Variants in RASGEF1A observed in about 807,000 individuals in gnomAD.
The protein encoded by RASGEF1A is ras-GEF domain-containing family member 1A.
RASGEF1A carries 18 observed loss-of-function variants against 56.4 expected under a neutral mutation model. The observed-to-expected ratio is 0.32, with a 90% CI of 0.22 to 0.47. RASGEF1A has a LOEUF of 0.47. Ranked by LOEUF, RASGEF1A falls within the 20% of genes least tolerant of loss-of-function variation. The pLI is 1.00. For synonymous variants in RASGEF1A, 245 were observed against 242.6 expected (o/e 1.01, Z -0.09); for missense variants, 422 against 627.1 (o/e 0.67, Z 3.49).
intron 1 of RASGEF1A, among the ~76,000 whole-genome samples, chr10:43,212,790 AG>A (rs1379220529): frequency 6.6e-6 from 1 of 152,212 alleles, no homozygotes; most frequent in Non-Finnish European, 1.5e-5. Context: ...AATACACCTC[AG>A]GGGAGAGGCA....
Position 43,211,873 on chromosome 10 carries a change from G to A in RASGEF1A, c.-6-5751C>T, listed in dbSNP as rs1343267661. On this transcript the variant is annotated intron_variant, in intron 1 of 12. Coordinates refer to ENST00000395810, the MANE Select transcript of RASGEF1A (RefSeq NM_145313.4). ...GCTTCCTCGGCTGGACACTGGGTGTGGAATGTCTTGTCCCACCTCCCTGCA... is the reference window on the plus strand; with the variant it reads ...GCTTCCTCGGCTGGACACTGGGTGTAGAATGTCTTGTCCCACCTCCCTGCA... Among the ~76,000 whole-genome samples, 3 of 152,338 alleles carry A rather than the reference G, an allele frequency of 2.0e-5. No individual in the cohort carries two copies. In the East Asian group the frequency reaches 5.8e-4, roughly 29 times the overall value.
At chr10:43,201,573 C>T (rs1332240259) in intron 4 of RASGEF1A, among the ~76,000 whole-genome samples, 3 of 152,214 alleles carry the variant, frequency 2.0e-5, no homozygotes, top group African/African-American at 2.4e-5. Context: ...TTGCCAGGCC[C>T]GCAACCGGGC....
intron 1 of RASGEF1A, among the ~76,000 whole-genome samples, chr10:43,257,581 C>G (rs553795820): frequency 6.6e-6 from 1 of 152,188 alleles, no homozygotes; most frequent in Non-Finnish European, 1.5e-5. Context: ...TCTCAGACCC[C>G]GTAGTGCCCT....
intron 1 of RASGEF1A, among the ~76,000 whole-genome samples, chr10:43,257,428 G>T (rs1207930326): frequency 6.6e-6 from 1 of 152,234 alleles, no homozygotes; most frequent in Non-Finnish European, 1.5e-5. Context: ...GGAAGGAGGA[G>T]CACAGGTCCC....
chr10:43,254,807 T>A (rs1242537966), intron 1 of RASGEF1A, among the ~76,000 whole-genome samples: 1 of 152,080 alleles, frequency 6.6e-6, no homozygotes, highest in Admixed American at 6.5e-5. Context: ...GTCCCCAGAA[T>A]AATCCCTGAC....
intron 1 of RASGEF1A, among the ~76,000 whole-genome samples, chr10:43,263,900 C>A (rs533296674): frequency 6.6e-6 from 1 of 152,146 alleles, no homozygotes; most frequent in Non-Finnish European, 1.5e-5. Context: ...AGCAGTCACA[C>A]CCCCACCCCG....
intron 4 of RASGEF1A, among the ~76,000 whole-genome samples, chr10:43,201,181 G>A (rs538453916): frequency 2.5e-4 from 38 of 152,276 alleles, no homozygotes; most frequent in African/African-American, 7.9e-4. Flanking sequence ...TTTCAGAGGC[G>A]GCCCACTGAG....
At chr10:43,238,530 C>A (rs1181493870) in intron 1 of RASGEF1A, among the ~76,000 whole-genome samples, 2 of 152,232 alleles carry the variant, frequency 1.3e-5, no homozygotes, top group African/African-American at 4.8e-5. Flanking sequence ...TGCCCCAGCC[C>A]CATGTCCACA....
At chr10:43,232,173 G>A (rs906745700) in intron 1 of RASGEF1A, among the ~76,000 whole-genome samples, 1 of 152,240 alleles carries the variant, frequency 6.6e-6, no homozygotes, top group Non-Finnish European at 1.5e-5. Context: ...AATCCCCAGT[G>A]TTGGAGGTTG....
chr10:43,253,115 C>T (rs7923256), intron 1 of RASGEF1A, among the ~76,000 whole-genome samples: 25,207 of 152,166 alleles, frequency 0.17, 2,351 homozygotes, highest in Admixed American at 0.25. Flanking sequence ...TGCCCCCACA[C>T]ACTTCCACGC....
At chr10:43,203,680 G>A (rs1387329779) in intron 2 of RASGEF1A, 1 of 1,185,872 alleles carries the variant, frequency 8.4e-7, no homozygotes, top group Non-Finnish European at 1.1e-6. Flanking sequence ...TTCCTCCGCT[G>A]GGATTCTCCC....
At chr10:43,260,600 C>A (rs977964214) in intron 1 of RASGEF1A, among the ~76,000 whole-genome samples, 2 of 152,166 alleles carry the variant, frequency 1.3e-5, no homozygotes, top group East Asian at 1.9e-4. Context: ...GTCCGCCCCC[C>A]TCTCAGGACC....
chr10:43,256,167 C>T (rs556779457), intron 1 of RASGEF1A, among the ~76,000 whole-genome samples: 1 of 152,276 alleles, frequency 6.6e-6, no homozygotes, highest in South Asian at 2.1e-4. Flanking sequence ...CCACACTGTG[C>T]CCCACAAGCC....
chr10:43,228,507 C>T (rs183852212), intron 1 of RASGEF1A, among the ~76,000 whole-genome samples: 1 of 152,326 alleles, frequency 6.6e-6, no homozygotes, highest in Admixed American at 6.5e-5. Context: ...GGGCCCTCCC[C>T]ACTCCCCTAC....
At chr10:43,254,679 C>T (rs887703777) in intron 1 of RASGEF1A, among the ~76,000 whole-genome samples, 6 of 152,102 alleles carry the variant, frequency 3.9e-5, no homozygotes, top group Non-Finnish European at 7.4e-5. Context: ...GGCTGTGCTC[C>T]CTGAGCAAGT....
chr10:43,199,892 G>A, intron 6 of RASGEF1A, 124 bp from the exon 7 acceptor site: 1 of 849,552 alleles, frequency 1.2e-6, no homozygotes, highest in Non-Finnish European at 1.9e-6. Context: ...AATCATGCCT[G>A]CGTGCTCCTT....
intron 1 of RASGEF1A, among the ~76,000 whole-genome samples, chr10:43,234,313 G>C (rs1450913903): frequency 6.6e-6 from 1 of 152,210 alleles, no homozygotes; most frequent in African/African-American, 2.4e-5. Flanking sequence ...GGGAAGAAGG[G>C]ATGTGGAGGA....
intron 1 of RASGEF1A, among the ~76,000 whole-genome samples, chr10:43,230,450 G>A (rs1484089410): frequency 2.0e-5 from 3 of 152,194 alleles, no homozygotes; most frequent in African/African-American, 7.2e-5. Flanking sequence ...CATTCCTGTG[G>A]TGGACCCCAC....
Position 43,203,683 on chromosome 10 carries a change from ATTCT to A in RASGEF1A, c.199-267_199-264del. On this transcript the variant is annotated intron_variant, in intron 2 of 12. Coordinates refer to ENST00000395810, the MANE Select transcript of RASGEF1A (RefSeq NM_145313.4). ...CTCCTAGCAGTCTTCCTCCGCTGGG[ATTCT>A]CCCCCTCTCTGCCCCACGCCACCAT... The A allele has an allele frequency of 1.4e-5, 16 of 1,180,256 alleles. No homozygotes were observed. In the Admixed American group the frequency reaches 1.7e-4, roughly 13 times the overall value. The allele number at this position is 1,180,256 out of a possible 1,614,324, so 73.1% of individuals were successfully genotyped here.
Sources: allele counts gnomAD v4.1 joint callset (sites outside exome capture counted in the v4.1 genomes callset), GRCh38; gene constraint gnomAD v4.1.1; transcripts MANE v1.5; gene names NCBI Gene and HGNC (gene_info 2026-07-23, HGNC 2026-07-21).